ESRRB: variants seen among roughly 807,000 people sequenced by gnomAD.
ESRRB encodes steroid hormone receptor ERR2.
Under a neutral mutation model 46.0 loss-of-function variants are expected in ESRRB, and 16 were observed. The observed-to-expected ratio is 0.35, with a 90% CI of 0.24 to 0.53. ESRRB has a LOEUF of 0.53. Ranked by LOEUF, ESRRB falls within the 20% of genes least tolerant of loss-of-function variation. The pLI is 0.93. For missense variants in ESRRB, 488 were observed against 607.4 expected (o/e 0.80, Z 2.07); for synonymous variants, 246 against 259.6 (o/e 0.95, Z 0.50).
chr14:76,492,001 C>T (rs772046626), intron 6 of ESRRB, among the ~76,000 whole-genome samples: 11 of 152,194 alleles, frequency 7.2e-5, no homozygotes, highest in Admixed American at 1.3e-4. Flanking sequence ...GCAAATCCCA[C>T]GTCTACCAAC....
At chr14:76,467,374 G>C (rs150207637) in intron 3 of ESRRB, among the ~76,000 whole-genome samples, 1 of 151,688 alleles carries the variant, frequency 6.6e-6, no homozygotes, top group Non-Finnish European at 1.5e-5. Flanking sequence ...GGTGGCACGC[G>C]CATGTAATCC....
intron 1 of ESRRB, among the ~76,000 whole-genome samples, chr14:76,433,581 A>G (rs1475492463): frequency 2.6e-5 from 4 of 152,206 alleles, no homozygotes; most frequent in African/African-American, 9.7e-5. Flanking sequence ...CTTTGTTTAC[A>G]AGGTAGCTGG....
chr14:76,380,853 C>T (rs1282398868), intron 1 of ESRRB, among the ~76,000 whole-genome samples: 1 of 152,198 alleles, frequency 6.6e-6, no homozygotes, highest in Non-Finnish European at 1.5e-5. Context: ...CCCCAGGAAG[C>T]CAGGAGAGTA....
chr14:76,444,890 T>C (rs1465709912), intron 2 of ESRRB, among the ~76,000 whole-genome samples: 2 of 151,944 alleles, frequency 1.3e-5, no homozygotes, highest in Non-Finnish European at 2.9e-5. Flanking sequence ...GGGCCAGGTG[T>C]GGTGGCTCCT....
intron 1 of ESRRB, among the ~76,000 whole-genome samples, chr14:76,411,231 T>C (rs1339812875): frequency 6.6e-6 from 1 of 151,830 alleles, no homozygotes; most frequent in Non-Finnish European, 1.5e-5. Flanking sequence ...GCAGATCACC[T>C]GAGGTCAGGA....
intron 1 of ESRRB, among the ~76,000 whole-genome samples, chr14:76,359,301 G>T (rs8022346): frequency 3.5e-4 from 54 of 152,300 alleles, no homozygotes; most frequent in African/African-American, 1.3e-3. Flanking sequence ...AAGGTACATA[G>T]AGAGAAACCC....
chr14:76,426,455 C>T (rs1408995066), intron 1 of ESRRB, among the ~76,000 whole-genome samples: 1 of 152,226 alleles, frequency 6.6e-6, no homozygotes, highest in Non-Finnish European at 1.5e-5. Flanking sequence ...GAACTCCTAG[C>T]AGTCTCAGCT....
At chr14:76,403,378 C>A (rs1886024539) in intron 1 of ESRRB, among the ~76,000 whole-genome samples, 1 of 152,082 alleles carries the variant, frequency 6.6e-6, no homozygotes, top group African/African-American at 2.4e-5. Context: ...AAAACAGAGG[C>A]CTCACCAGGC....
intron 1 of ESRRB, among the ~76,000 whole-genome samples, chr14:76,378,332 A>C (rs1029946448): frequency 6.6e-6 from 1 of 152,222 alleles, no homozygotes; most frequent in Non-Finnish European, 1.5e-5. Context: ...AGTTGACGGC[A>C]GCCCTGACTG....
chr14:76,332,790 A>ATATAT (rs1411702498), intron 1 of ESRRB, among the ~76,000 whole-genome samples: 2 of 9,196 alleles, frequency 2.2e-4, no homozygotes, highest in East Asian at 0.01. Context: ...TATTATATAT[A>ATATAT]AATATATAAT....
intron 1 of ESRRB, among the ~76,000 whole-genome samples, chr14:76,421,126 G>A (rs1886936049): frequency 6.6e-6 from 1 of 152,156 alleles, no homozygotes; most frequent in Admixed American, 6.6e-5. Flanking sequence ...CTCCCAGCCT[G>A]GATCCAGCCG....
At chr14:76,403,185 C>T (rs1046133289) in intron 1 of ESRRB, among the ~76,000 whole-genome samples, 1 of 152,186 alleles carries the variant, frequency 6.6e-6, no homozygotes, top group African/African-American at 2.4e-5. Context: ...ATCTTTTCAA[C>T]CACTTTTTGC....
rs1889797958 is a variant in ESRRB, at chr14:76,481,370, T to C, written c.578-646T>C. On this transcript the variant is annotated intron_variant, in intron 3 of 6. Coordinates refer to ENST00000644823, the MANE Select transcript of ESRRB (RefSeq NM_001379180.1). The stretch of plus-strand genomic sequence containing the variant: ...CAGGGTAAACTCTCACTCCTGGAAG[T>C]GGCTGTCTACGTGGAGTAGCCACAG... Among the ~76,000 whole-genome samples, 4 of 152,206 alleles carry C rather than the reference T, an allele frequency of 2.6e-5. No homozygotes were observed. The South Asian group carries it at 8.3e-4, about 32-fold the overall frequency.
At chr14:76,492,324 G>A (rs537199311) in intron 6 of ESRRB, among the ~76,000 whole-genome samples, 4 of 151,912 alleles carry the variant, frequency 2.6e-5, no homozygotes, top group African/African-American at 7.2e-5. Flanking sequence ...CCATTATTCC[G>A]GCCAATTCTT....
At chr14:76,416,113 A>C (rs1886687271) in intron 1 of ESRRB, among the ~76,000 whole-genome samples, 1 of 150,968 alleles carries the variant, frequency 6.6e-6, no homozygotes, top group Non-Finnish European at 1.5e-5. Flanking sequence ...TTACATAATT[A>C]GAGTGATGTA....
At position 76,487,899 on chromosome 14, in the gene ESRRB, G is replaced by T. The variant is rs1834844803; in HGVS notation, c.851-3548G>T. ...ATTACAGGCGTGAGCCACCGTGCCT[G>T]GCCACTAGGAGAAATTTCTAGCAGT... On this transcript the variant is annotated intron_variant, in intron 5 of 6. Transcript: ENST00000644823. Among the ~76,000 whole-genome samples, 3 of 152,210 alleles carry T rather than the reference G, an allele frequency of 2.0e-5. 1 individual carries two copies. The highest frequency in any genetic ancestry group is 2.0e-4 in the Admixed American group (3 of 15,284).
chr14:76,464,418 G>A (rs541368989), intron 3 of ESRRB, among the ~76,000 whole-genome samples: 18 of 152,278 alleles, frequency 1.2e-4, no homozygotes, highest in Non-Finnish European at 1.3e-4. Flanking sequence ...TTCCACTTCC[G>A]TTTACCATTT....
rs1884419582 is a variant in ESRRB, at chr14:76,358,379, GAAAGAA to G, written c.2+47465_2+47470del. On this transcript the variant is annotated intron_variant, in intron 1 of 6. Coordinates refer to the ESRRB transcript ENST00000512784. ...AGAAAGAAAGAAAGAAAGAAAGAAA[GAAAGAA>G]AGAAAGAAAGAAAGAAAGAAAGAAA... 2.5e-4 allele frequency among the ~76,000 whole-genome samples: 16 copies of G among 64,292 alleles called. 3 individuals are homozygous for G. Among genetic ancestry groups the G allele is most frequent in the Admixed American group, 1.0e-3 (6 of 6,028 alleles). 42.2% of individuals were successfully genotyped at this position (64,292 alleles called of 152,430 possible). A position where few individuals can be genotyped will look rare whatever the true frequency, so the allele number is the denominator to read the frequency against.
intron 1 of ESRRB, 147 bp from the exon 2 acceptor site, chr14:76,439,194 G>A (rs1887802316): frequency 2.2e-6 from 2 of 920,598 alleles, no homozygotes; most frequent in Non-Finnish European, 3.5e-6. Context: ...TGCGCCGAGG[G>A]GAGACCAGCT....
Sources: gnomAD v4.1 joint callset for allele counts (sites outside exome capture counted in the v4.1 genomes callset) on GRCh38, gnomAD v4.1.1 for gene constraint, MANE v1.5 for transcripts, NCBI Gene and HGNC (gene_info 2026-07-23, HGNC 2026-07-21) for gene names.